The following ART3 variants were observed in gnomAD, a reference collection of about 807,000 sequenced individuals.
The protein encoded by ART3 is ADP-ribosyltransferase 3 (inactive).
Under a neutral mutation model 48.5 loss-of-function variants are expected in ART3, and 49 were observed. That is an observed-to-expected ratio of 1.01 (90% CI 0.80 to 1.28). The LOEUF (loss-of-function observed/expected upper bound fraction) is 1.28, where lower values mean the gene tolerates loss of function less well. Among genes scored for constraint, ART3 ranks in the 50% most tolerant of loss-of-function variants. The pLI is 0.00. For synonymous variants in ART3, 145 were observed against 157.2 expected (o/e 0.92, Z 0.58); for missense variants, 438 against 454.3 (o/e 0.96, Z 0.33).
chr4:76,112,200 G>C (rs1358106619), intron 11 of ART3, among the ~76,000 whole-genome samples, 186 bp from the exon 12 acceptor site: 1 of 152,168 alleles, frequency 6.6e-6, no homozygotes, highest in African/African-American at 2.4e-5. Context: ...AACTGTATAT[G>C]GAAATATAGC....
chr4:76,022,209 G>T (rs61253655), intron 1 of ART3, among the ~76,000 whole-genome samples: 1,736 of 152,300 alleles, frequency 0.011, 39 homozygotes, highest in African/African-American at 0.039. Context: ...ACACAAGATG[G>T]TGCCTCAGCA....
intron 1 of ART3, chr4:76,034,867 C>A (rs565055838): frequency 1.3e-6 from 2 of 1,510,720 alleles, no homozygotes; most frequent in Non-Finnish European, 9.1e-7. Flanking sequence ...CTTGTTTCCC[C>A]CAGGACATCT....
intron 7 of ART3, 45 bp from the exon 8 acceptor site, chr4:76,100,945 T>C (rs749285453): frequency 6.2e-7 from 1 of 1,609,432 alleles, no homozygotes; most frequent in South Asian, 1.1e-5. Context: ...CTGCCAATTC[T>C]TTTGTTCCAT....
intron 1 of ART3, among the ~76,000 whole-genome samples, chr4:76,012,720 G>A (rs1387702064): frequency 6.6e-6 from 1 of 152,166 alleles, no homozygotes; most frequent in Non-Finnish European, 1.5e-5. Context: ...GTTGACAATA[G>A]CAACATTTTT....
At chr4:76,040,141 A>G (rs921832243) in intron 1 of ART3, among the ~76,000 whole-genome samples, 14 of 152,160 alleles carry the variant, frequency 9.2e-5, no homozygotes, top group African/African-American at 2.9e-4. Context: ...CCTGGCCAAC[A>G]TGGTGAAACT....
At chr4:76,104,709 C>T in intron 10 of ART3, 80 bp downstream of exon 10, 11 of 1,480,562 alleles carry the variant, frequency 7.4e-6, no homozygotes, top group Non-Finnish European at 1.0e-5. Flanking sequence ...ATGGGACTTT[C>T]TATGCCTCAT....
chr4:76,029,459 T>G (rs1451138614), intron 1 of ART3, among the ~76,000 whole-genome samples: 1 of 152,238 alleles, frequency 6.6e-6, no homozygotes, highest in Non-Finnish European at 1.5e-5. Flanking sequence ...CAGTGTTATG[T>G]GATAATCTCA....
At chr4:76,014,110 G>A (rs884304) in intron 1 of ART3, among the ~76,000 whole-genome samples, 43,707 of 151,842 alleles carry the variant, frequency 0.29, 6,644 homozygotes, top group East Asian at 0.5. Context: ...TTCCCCCACC[G>A]AATGCTTATG....
chr4:76,076,108 C>G, intron 2 of ART3, 150 bp downstream of exon 2: 1 of 634,028 alleles, frequency 1.6e-6, no homozygotes, highest in Non-Finnish European at 2.8e-6. Context: ...AGGTTCATGC[C>G]ATTTTCCTGC....
intron 3 of ART3, among the ~76,000 whole-genome samples, chr4:76,083,332 C>T (rs1208201851): frequency 6.6e-6 from 1 of 152,174 alleles, no homozygotes; most frequent in Non-Finnish European, 1.5e-5. Flanking sequence ...AAATAACATG[C>T]TTCAACATGT....
chr4:76,040,252 A>G (rs28681066), intron 1 of ART3, among the ~76,000 whole-genome samples: 92,909 of 151,988 alleles, frequency 0.61, 29,474 homozygotes, highest in East Asian at 0.94. Context: ...TTGAACCCAG[A>G]AGGCGGAAGT....
intron 1 of ART3, among the ~76,000 whole-genome samples, chr4:76,059,360 T>G (rs1718971534): frequency 9.9e-6 from 1 of 100,504 alleles, no homozygotes; most frequent in African/African-American, 3.8e-5. Flanking sequence ...TTATTTTCTC[T>G]TGTTTTTTTT....
chr4:76,032,391 G>T (rs1038428363), intron 1 of ART3, among the ~76,000 whole-genome samples: 8 of 151,806 alleles, frequency 5.3e-5, no homozygotes, highest in African/African-American at 1.9e-4. Context: ...ATTTTTTATA[G>T]AGATGAATTT....
chr4:76,027,967 T>A (rs1733557758), intron 1 of ART3, among the ~76,000 whole-genome samples: 1 of 152,254 alleles, frequency 6.6e-6, no homozygotes, highest in Non-Finnish European at 1.5e-5. Context: ...CCATTTACAA[T>A]GAGAACCTTT....
intron 1 of ART3, among the ~76,000 whole-genome samples, chr4:76,060,051 C>G (rs1719055689): frequency 6.6e-6 from 1 of 152,132 alleles, no homozygotes; most frequent in Non-Finnish European, 1.5e-5. Context: ...GGAACCTTGT[C>G]TAATTTATCT....
At chr4:76,036,105 AT>A in intron 1 of ART3, 2 of 819,978 alleles carry the variant, frequency 2.4e-6, no homozygotes, top group Non-Finnish European at 4.0e-6. Flanking sequence ...TATATAGAGC[AT>A]TTTATACACC....
At chr4:76,094,453 G>A (rs1192268379) in intron 3 of ART3, among the ~76,000 whole-genome samples, 1 of 152,170 alleles carries the variant, frequency 6.6e-6, no homozygotes, top group Non-Finnish European at 1.5e-5. Flanking sequence ...ACCTTGTTGT[G>A]TGCATGGTAA....
rs962249725 is a variant in ART3, at chr4:76,106,021, C to T, written c.1003+1392C>T. 3 of 985,218 alleles carry T rather than the reference C, an allele frequency of 3.0e-6. No homozygotes were observed. In the African/African-American group the frequency reaches 5.2e-5, roughly 17 times the overall value. The allele number at this position is 985,218 out of a possible 1,614,324, so 61.0% of individuals were successfully genotyped here. A position where few individuals can be genotyped will look rare whatever the true frequency, so the allele number is the denominator to read the frequency against. On this transcript the variant is annotated intron_variant, in intron 10 of 11. Transcript: ENST00000355810. ...GTGTATTGTGCCCTCTCCTGGAAAG[C>T]TATGTGTAGCTTTTTAAAAGGTGAT...
At chr4:76,054,043 C>T (rs866151463) in intron 1 of ART3, among the ~76,000 whole-genome samples, 8 of 152,284 alleles carry the variant, frequency 5.3e-5, no homozygotes, top group Middle Eastern at 6.8e-3. Context: ...CAATGAGCAA[C>T]TTTACAAGCG....
Sources: gnomAD v4.1 joint callset for allele counts (sites outside exome capture counted in the v4.1 genomes callset) on GRCh38, gnomAD v4.1.1 for gene constraint, MANE v1.5 for transcripts, NCBI Gene and HGNC (gene_info 2026-07-23, HGNC 2026-07-21) for gene names.